SEM1: variants seen among roughly 807,000 people sequenced by gnomAD.
The protein encoded by SEM1 is 26S proteasome complex subunit SEM1.
SEM1 carries 3 observed loss-of-function variants against 12.7 expected under a neutral mutation model. That is an observed-to-expected ratio of 0.24 (90% CI 0.11 to 0.61). The LOEUF is 0.61. Ranked by LOEUF, SEM1 falls within the 20% of genes least tolerant of loss-of-function variation. The probability of loss-of-function intolerance (pLI) is 0.88; values close to 1 mark genes in which losing one functional copy is unlikely to be tolerated. For synonymous variants in SEM1, 30 were observed against 27.8 expected (o/e 1.08, Z -0.25); for missense variants, 59 against 81.3 (o/e 0.73, Z 1.06).
chr7:96,671,108 C>T (rs577236182), downstream of SEM1, among the ~76,000 whole-genome samples: 156 of 152,186 alleles, frequency 1.0e-3, 1 homozygote, highest in South Asian at 0.021. Context: ...GAATAGCAAG[C>T]CCCACAGATT....
At chr7:96,559,454 TG>T (rs1157366329) in intron 2 of SEM1, among the ~76,000 whole-genome samples, 1 of 152,104 alleles carries the variant, frequency 6.6e-6, no homozygotes, top group Admixed American at 6.5e-5. Context: ...GCTAATTTTT[TG>T]TATTTTTGGT....
chr7:96,587,121 C>T (rs1037920870), intron 2 of SEM1, among the ~76,000 whole-genome samples: 2 of 151,974 alleles, frequency 1.3e-5, no homozygotes, highest in Non-Finnish European at 2.9e-5. Flanking sequence ...TGTGAGAACA[C>T]CAATATTAAA....
intron 2 of SEM1, among the ~76,000 whole-genome samples, chr7:96,600,402 A>G (rs895165031): frequency 6.6e-6 from 1 of 152,240 alleles, no homozygotes. Context: ...GGAGGAACCA[A>G]ACTTTCTAGA....
intron 2 of SEM1, among the ~76,000 whole-genome samples, chr7:96,508,223 G>A (rs1190502391): frequency 6.6e-6 from 1 of 151,922 alleles, no homozygotes; most frequent in Non-Finnish European, 1.5e-5. Context: ...GGAGATTCAG[G>A]GGGAATCAAT....
chr7:96,645,983 G>C (rs1563095963), intron 2 of SEM1: 3 of 397,428 alleles, frequency 7.5e-6, no homozygotes, highest in Non-Finnish European at 1.3e-5. Context: ...GTCATGTATA[G>C]TTTCTTTCAT....
At chr7:96,690,130 G>T (rs978793605) in intron 2 of SEM1, among the ~76,000 whole-genome samples, 1 of 152,096 alleles carries the variant, frequency 6.6e-6, no homozygotes, top group African/African-American at 2.4e-5. Flanking sequence ...TGTGGTAACT[G>T]TCTTTGAATT....
At chr7:96,517,526 A>T (rs1378814472) in intron 2 of SEM1, among the ~76,000 whole-genome samples, 1 of 152,176 alleles carries the variant, frequency 6.6e-6, no homozygotes, top group Non-Finnish European at 1.5e-5. Flanking sequence ...TTAGATATGT[A>T]TTAAAAATTT....
intron 2 of SEM1, among the ~76,000 whole-genome samples, chr7:96,570,913 A>G (rs1004022835): frequency 4.0e-5 from 6 of 149,596 alleles, no homozygotes; most frequent in Admixed American, 6.7e-5. Flanking sequence ...ATGAGATGGT[A>G]TCTTACTGTG....
chr7:96,508,762 C>T (rs1471916065), intron 2 of SEM1, among the ~76,000 whole-genome samples: 1 of 152,012 alleles, frequency 6.6e-6, no homozygotes, highest in East Asian at 1.9e-4. Context: ...AGAAAATCAC[C>T]CTCATTCCAA....
chr7:96,653,461 G>A (rs1466351412), intron 2 of SEM1, among the ~76,000 whole-genome samples: 1 of 152,134 alleles, frequency 6.6e-6, no homozygotes, highest in African/African-American at 2.4e-5. Flanking sequence ...CCAGGCAGGA[G>A]GCAATTAAGG....
intron 2 of SEM1, among the ~76,000 whole-genome samples, chr7:96,551,541 T>C (rs1024957312): frequency 9.9e-5 from 15 of 151,232 alleles, no homozygotes; most frequent in African/African-American, 3.4e-4. Context: ...CTATCTCTAC[T>C]AAAAAATACA....
At chr7:96,703,420 G>A (rs186594548) in intron 1 of SEM1, among the ~76,000 whole-genome samples, 137 of 152,224 alleles carry the variant, frequency 9.0e-4, no homozygotes, top group Non-Finnish European at 1.5e-3. Context: ...TGTTTGTACT[G>A]TACTTTCAAC....
chr7:96,650,400 A>G lies in SEM1; in HGVS notation c.171-27757T>C. On this transcript the variant is annotated intron_variant, in intron 2 of 2. Coordinates refer to the SEM1 transcript ENST00000417009. ...GGGAACAGGTTCCAGCCTCCTGGGC[A>G]TGTTCTCCAGGCAGTAGATGGGCAC... The G allele has an allele frequency of 4.5e-6, 3 of 671,674 alleles. No individual in the cohort carries two copies. In the East Asian group the frequency reaches 8.2e-5, roughly 18 times the overall value. The allele number at this position is 671,674 out of a possible 1,614,324, so 41.6% of individuals were successfully genotyped here.
At chr7:96,616,409 G>A (rs1807724405) in intron 2 of SEM1, among the ~76,000 whole-genome samples, 1 of 151,354 alleles carries the variant, frequency 6.6e-6, no homozygotes, top group South Asian at 2.1e-4. Context: ...TTGTTTTTTT[G>A]ATGAGTTGTT....
At chr7:96,521,851 T>G (rs1252612417) in intron 2 of SEM1, among the ~76,000 whole-genome samples, 1 of 152,128 alleles carries the variant, frequency 6.6e-6, no homozygotes, top group Non-Finnish European at 1.5e-5. Context: ...TGCATTTTCC[T>G]GTTGATGATC....
chr7:96,584,957 T>C (rs1806560278), intron 2 of SEM1, among the ~76,000 whole-genome samples: 1 of 151,458 alleles, frequency 6.6e-6, no homozygotes, highest in African/African-American at 2.4e-5. Flanking sequence ...TGAAGCCTTC[T>C]TCTCTCAGCT....
chr7:96,637,390 T>C (rs1252941260), intron 2 of SEM1: 1 of 152,054 alleles, frequency 6.6e-6, no homozygotes, highest in Non-Finnish European at 1.5e-5. Context: ...CTTCTTCAAT[T>C]CATAACCCAA....
chr7:96,693,095 A>AT (rs1340875463), intron 2 of SEM1, among the ~76,000 whole-genome samples: 1 of 152,092 alleles, frequency 6.6e-6, no homozygotes, highest in African/African-American at 2.4e-5. Flanking sequence ...TATAGAGCCA[A>AT]TAAAAAAAAA....
At position 96,496,319 on chromosome 7, in the gene SEM1, C is replaced by G. The variant is rs929942035; in HGVS notation, c.-24G>C. The G allele has an allele frequency of 6.7e-6, 10 of 1,503,084 alleles. No individual in the cohort carries two copies. The African/African-American group carries it at 1.1e-4, about 17-fold the overall frequency. The allele number at this position is 1,503,084 out of a possible 1,614,324, so 93.1% of individuals were successfully genotyped here. A position where few individuals can be genotyped will look rare whatever the true frequency, so the allele number is the denominator to read the frequency against. ...ATGTTCTTCCTTCAGAGCTGCATAG[C>G]ATCATCTGATGTATTTGTTTCTCTG... On this transcript the variant is annotated 5_prime_UTR_variant, in exon 1 of 4. Coordinates refer to the SEM1 transcript ENST00000356686.
Sources: allele counts gnomAD v4.1 joint callset (sites outside exome capture counted in the v4.1 genomes callset), GRCh38; gene constraint gnomAD v4.1.1; transcripts MANE v1.5; gene names NCBI Gene and HGNC (gene_info 2026-07-23, HGNC 2026-07-21).